Variants in DGKI observed in about 807,000 individuals in gnomAD.
DGKI encodes DAG kinase iota.
Under a neutral mutation model 147.5 loss-of-function variants are expected in DGKI, and 55 were observed. That is an observed-to-expected ratio of 0.37 (90% CI 0.30 to 0.47). DGKI has a LOEUF of 0.47. DGKI is among the 20% of genes least tolerant of loss of function. The probability of loss-of-function intolerance (pLI) is 1.00; values close to 1 mark genes in which losing one functional copy is unlikely to be tolerated. For missense variants in DGKI, 1,007 were observed against 1,323.8 expected (o/e 0.76, Z 3.71); for synonymous variants, 469 against 477.1 (o/e 0.98, Z 0.22).
At position 137,599,811 on chromosome 7, in the gene DGKI, T is replaced by C. The variant is rs1350656476; in HGVS notation, c.1250+12A>G. On this transcript the variant is annotated intron_variant, in intron 11 of 32. Transcript: ENST00000614521. ...AATACATATGGACCATGGAGAATAT[T>C]TCCAGACTTACGCATCTTTTGGCCC... is the stretch of plus-strand genomic sequence containing the variant. 6.2e-7 allele frequency: 1 copy of C among 1,613,060 alleles called. No individual in the cohort carries two copies. The highest frequency in any genetic ancestry group is 1.7e-5 in the Admixed American group (1 of 59,996).
chr7:137,842,921 G>T (rs1395899802), intron 1 of DGKI, among the ~76,000 whole-genome samples: 1 of 152,030 alleles, frequency 6.6e-6, no homozygotes, highest in Admixed American at 6.6e-5. Flanking sequence ...CTGCACACAC[G>T]CATGCATACA....
intron 2 of DGKI, among the ~76,000 whole-genome samples, chr7:137,685,278 A>G (rs1178970571): frequency 6.6e-6 from 1 of 152,202 alleles, no homozygotes; most frequent in African/African-American, 2.4e-5. Flanking sequence ...ACAAAATAAA[A>G]TCAAGGGTGC....
chr7:137,692,556 A>T (rs941082820), intron 1 of DGKI, among the ~76,000 whole-genome samples: 8 of 152,194 alleles, frequency 5.3e-5, no homozygotes, highest in Non-Finnish European at 1.0e-4. Context: ...AACTCATCAG[A>T]ACTTGTAGAC....
At chr7:137,488,979 C>CT (rs1003744819) in intron 21 of DGKI, among the ~76,000 whole-genome samples, 4 of 152,102 alleles carry the variant, frequency 2.6e-5, no homozygotes, top group Non-Finnish European at 4.4e-5. Flanking sequence ...GACGTTTTAG[C>CT]TAGAGGAGTA....
chr7:137,658,415 A>T (rs1822300963), intron 3 of DGKI, among the ~76,000 whole-genome samples: 1 of 152,196 alleles, frequency 6.6e-6, no homozygotes, highest in African/African-American at 2.4e-5. Flanking sequence ...AGTTATAGCG[A>T]CACAAAGGAA....
chr7:137,602,894 G>GA (rs1207194632), intron 10 of DGKI, among the ~76,000 whole-genome samples: 7,353 of 143,006 alleles, frequency 0.051, 386 homozygotes, highest in African/African-American at 0.13. Context: ...TTCTCTAAAT[G>GA]AAAAAAAAAA....
chr7:137,675,617 G>C (rs145105080), intron 3 of DGKI, among the ~76,000 whole-genome samples: 6 of 149,098 alleles, frequency 4.0e-5, no homozygotes, highest in African/African-American at 1.5e-4. Flanking sequence ...CCCGGGAGGC[G>C]GAGGTTGCAG....
At chr7:137,845,020 C>T (rs976844234) in intron 1 of DGKI, among the ~76,000 whole-genome samples, 11 of 152,164 alleles carry the variant, frequency 7.2e-5, no homozygotes, top group African/African-American at 2.7e-4. Context: ...CTAGAGCTAC[C>T]CCCTCCCCAC....
At chr7:137,793,586 C>G (rs1302987257) in intron 1 of DGKI, among the ~76,000 whole-genome samples, 1 of 152,210 alleles carries the variant, frequency 6.6e-6, no homozygotes, top group Non-Finnish European at 1.5e-5. Context: ...GGATTACAGG[C>G]TTGAGCCACT....
intron 2 of DGKI, 74 bp downstream of exon 2, chr7:137,689,820 C>T (rs778058772): frequency 9.4e-7 from 1 of 1,062,866 alleles, no homozygotes; most frequent in African/African-American, 1.6e-5. Context: ...TTCCTTGTAA[C>T]TAGAGGAATC....
At chr7:137,707,489 G>A (rs1794074889) in intron 1 of DGKI, among the ~76,000 whole-genome samples, 1 of 152,168 alleles carries the variant, frequency 6.6e-6, no homozygotes, top group Non-Finnish European at 1.5e-5. Flanking sequence ...TTGGAGGTGG[G>A]GCCTGGTGGG....
intron 14 of DGKI, among the ~76,000 whole-genome samples, chr7:137,582,451 TAC>T (rs920765915): frequency 0.021 from 3,100 of 150,442 alleles, 33 homozygotes; most frequent in African/African-American, 0.035. Flanking sequence ...TATATATATA[TAC>T]ACACACACAC....
At chr7:137,516,965 C>A (rs1816765493) in intron 21 of DGKI, among the ~76,000 whole-genome samples, 1 of 151,804 alleles carries the variant, frequency 6.6e-6, no homozygotes, top group South Asian at 2.1e-4. Context: ...AGGAACTTGG[C>A]AAATACCACC....
rs1187803533 is a variant in DGKI at position 137,382,984 on chromosome 7, G to C, written c.*8236C>G. On this transcript the variant is annotated 3_prime_UTR_variant, in exon 33 of 33. Coordinates refer to ENST00000614521, the MANE Select transcript of DGKI (RefSeq NM_001321708.2). ...CATTAGTCTACTGATATGGGGTTAA[G>C]TCTTGTTTCATGACACAAAGTTATA... 6.6e-6 allele frequency: 1 copy of C among 151,868 alleles called. No homozygotes were observed. The highest frequency in any genetic ancestry group is 6.6e-5 in the Admixed American group (1 of 15,220). 9.4% of individuals were successfully genotyped at this position (151,868 alleles called of 1,614,324 possible).
chr7:137,787,621 C>A (rs1796713676), intron 1 of DGKI, among the ~76,000 whole-genome samples: 1 of 152,126 alleles, frequency 6.6e-6, no homozygotes, highest in Non-Finnish European at 1.5e-5. Context: ...TAGGTATCTA[C>A]TCAGAGGAAG....
intron 1 of DGKI, among the ~76,000 whole-genome samples, chr7:137,844,960 C>A (rs556989535): frequency 8.5e-5 from 13 of 152,298 alleles, no homozygotes; most frequent in Admixed American, 6.5e-4. Context: ...AGGGGCCAGA[C>A]GGGCCATCAT....
At chr7:137,750,002 A>G (rs1795449735) in intron 1 of DGKI, among the ~76,000 whole-genome samples, 1 of 152,206 alleles carries the variant, frequency 6.6e-6, no homozygotes, top group Non-Finnish European at 1.5e-5. Context: ...CAGGCAGAAC[A>G]TATTGTCACA....
intron 21 of DGKI, among the ~76,000 whole-genome samples, chr7:137,489,548 T>A (rs1284596459): frequency 6.6e-6 from 1 of 152,148 alleles, no homozygotes; most frequent in East Asian, 1.9e-4. Flanking sequence ...AGAGTAATCA[T>A]CTTCAGCTAG....
At chr7:137,703,409 G>A (rs1230132390) in intron 1 of DGKI, among the ~76,000 whole-genome samples, 1 of 152,176 alleles carries the variant, frequency 6.6e-6, no homozygotes, top group Non-Finnish European at 1.5e-5. Context: ...ACATGCTCAG[G>A]AAAAATCTGA....
Sources: gnomAD v4.1 joint callset for allele counts (sites outside exome capture counted in the v4.1 genomes callset) on GRCh38, gnomAD v4.1.1 for gene constraint, MANE v1.5 for transcripts, NCBI Gene and HGNC (gene_info 2026-07-23, HGNC 2026-07-21) for gene names.